Variants in ZDHHC15 observed in about 807,000 individuals in gnomAD.
ZDHHC15 encodes the protein palmitoyltransferase ZDHHC15.
Under a neutral mutation model 31.7 loss-of-function variants are expected in ZDHHC15, and 19 were observed. That is an observed-to-expected ratio of 0.60 (90% CI 0.42 to 0.88). The LOEUF is 0.88. Ranked by LOEUF, ZDHHC15 falls within the 40% of genes least tolerant of loss-of-function variation. The pLI, the probability that ZDHHC15 is intolerant of heterozygous loss-of-function variation, is 0.00. For missense variants in ZDHHC15, 209 were observed against 251.2 expected (o/e 0.83, Z 1.14); for synonymous variants, 103 against 90.0 (o/e 1.14, Z -0.82).
chrX:75,397,008 C>T (rs1386147856), intron 10 of ZDHHC15, among the ~76,000 whole-genome samples: 6 of 110,380 alleles, frequency 5.4e-5, no homozygotes, highest in South Asian at 3.9e-4. Flanking sequence ...GTTTGGGGGT[C>T]GGGGAAGTTG....
intron 2 of ZDHHC15, among the ~76,000 whole-genome samples, chrX:75,488,033 A>G (rs2084806164): frequency 8.9e-6 from 1 of 112,376 alleles, no homozygotes; most frequent in African/African-American, 3.2e-5. Flanking sequence ...ATTATGTCAA[A>G]TGTCCAAACA....
At chrX:75,482,948 G>A (rs1051498064) in intron 2 of ZDHHC15, among the ~76,000 whole-genome samples, 7 of 106,959 alleles carry the variant, frequency 6.5e-5, no homozygotes, top group Non-Finnish European at 1.2e-4. Context: ...TAACCTTGCC[G>A]ATAATCATAA....
intron 2 of ZDHHC15, among the ~76,000 whole-genome samples, chrX:75,495,881 T>C (rs1468800683): frequency 1.9e-5 from 2 of 106,432 alleles, no homozygotes; most frequent in Non-Finnish European, 3.9e-5. Flanking sequence ...TCTATACATA[T>C]GTAACTAACC....
At chrX:75,515,028 G>C (rs1430800075) in intron 1 of ZDHHC15, among the ~76,000 whole-genome samples, 2 of 111,504 alleles carry the variant, frequency 1.8e-5, no homozygotes, top group Non-Finnish European at 3.8e-5. Flanking sequence ...AAATCAGGAA[G>C]AAGTTGAATT....
intron 4 of ZDHHC15, among the ~76,000 whole-genome samples, chrX:75,435,221 T>C (rs1028564532): frequency 3.6e-5 from 4 of 111,929 alleles, no homozygotes; most frequent in African/African-American, 1.3e-4. Flanking sequence ...AATTCATTGA[T>C]CAGATCCAGG....
chrX:75,420,822 G>A lies in ZDHHC15; in HGVS notation c.863+1042C>T, dbSNP rs143697421. On this transcript the variant is annotated intron_variant, in intron 9 of 11. Coordinates refer to ENST00000373367, the MANE Select transcript of ZDHHC15 (RefSeq NM_144969.3). ...ACTGTCCTGGGGTGGGGAGCTAGGG[G>A]AGGGATAGCATTAGGAGAAATACCT... 8.1e-3 allele frequency among the ~76,000 whole-genome samples: 898 copies of A among 110,397 alleles called. 10 individuals are homozygous for A. Among genetic ancestry groups the A allele is most frequent in the Non-Finnish European group, 0.011 (600 of 52,817 alleles).
chrX:75,424,106 A>G (rs1210540362), intron 8 of ZDHHC15, among the ~76,000 whole-genome samples: 2 of 111,506 alleles, frequency 1.8e-5, no homozygotes, highest in Non-Finnish European at 1.9e-5. Context: ...CATTTGTTCA[A>G]TGTATTTATC....
chrX:75,407,849 A>T (rs755822834), intron 10 of ZDHHC15, among the ~76,000 whole-genome samples: 1 of 112,443 alleles, frequency 8.9e-6, no homozygotes, highest in Admixed American at 9.3e-5. Flanking sequence ...AGGAGACTCC[A>T]TTTTGTTCTG....
intron 10 of ZDHHC15, among the ~76,000 whole-genome samples, chrX:75,397,516 T>C (rs765194979): frequency 4.2e-5 from 4 of 95,988 alleles, no homozygotes; most frequent in Admixed American, 1.3e-4. Context: ...TATATACACC[T>C]AGTATGTACC....
chrX:75,452,028 A>C (rs1306383595), intron 3 of ZDHHC15, among the ~76,000 whole-genome samples: 4 of 111,204 alleles, frequency 3.6e-5, no homozygotes, highest in Admixed American at 9.6e-5. Context: ...TTCACACATA[A>C]CAATATTAAC....
At chrX:75,416,852 C>T (rs2083554608) in intron 10 of ZDHHC15, among the ~76,000 whole-genome samples, 1 of 111,420 alleles carries the variant, frequency 9.0e-6, no homozygotes, top group Non-Finnish European at 1.9e-5. Context: ...AGATGTATAT[C>T]TGACTGGTAA....
At chrX:75,453,432 T>A (rs971763299) in intron 3 of ZDHHC15, among the ~76,000 whole-genome samples, 1 of 111,278 alleles carries the variant, frequency 9.0e-6, no homozygotes, top group Non-Finnish European at 1.9e-5. Context: ...CAGGACCAGA[T>A]GGATTCACAG....
chrX:75,508,372 AC>A (rs1189871602), intron 1 of ZDHHC15, among the ~76,000 whole-genome samples: 3 of 88,313 alleles, frequency 3.4e-5, no homozygotes, highest in African/African-American at 1.3e-4. Context: ...TTCAATTCCC[AC>A]CTATGAGTGA....
rs1316238062 is a variant in ZDHHC15 at position 75,522,976 on chromosome X, G to T, written c.49C>A (p.Arg17Ser). Residue 17 changes from arginine to serine, a missense_variant, in exon 1 of 12, where the codon CGC (arginine) becomes AGC (serine). Coordinates refer to ENST00000373367, the MANE Select transcript of ZDHHC15 (RefSeq NM_144969.3). ...MALSGGLRCC[R>S]RVLSWVPVLV... The stretch of plus-strand genomic sequence containing the variant: ...ACTGGCACCCAGGACAGTACCCGGC[G>T]GCAGCACCGCAGCCCCCCAGACAGA... 1 of 1,211,564 alleles carries T rather than the reference G, an allele frequency of 8.3e-7. No homozygotes were observed. Among genetic ancestry groups the T allele is most frequent in the Non-Finnish European group, 1.1e-6 (1 of 895,372 alleles).
At chrX:75,392,371 T>A (rs918668288) in intron 10 of ZDHHC15, among the ~76,000 whole-genome samples, 2 of 111,944 alleles carry the variant, frequency 1.8e-5, no homozygotes, top group African/African-American at 3.2e-5. Context: ...CCTACTCAAA[T>A]TAAGGGTGGG....
rs923638734 is a variant in ZDHHC15, at chrX:75,504,975, T to C, written c.163+846A>G. ...ATTTTTATTCTATACATGAATAAAA[T>C]GAACACAATGAGGTAAAATAATTTA... On this transcript the variant is annotated intron_variant, in intron 2 of 11. Coordinates refer to ENST00000373367, the MANE Select transcript of ZDHHC15 (RefSeq NM_144969.3). Among the ~76,000 whole-genome samples the C allele has an allele frequency of 2.7e-5, 3 of 111,224 alleles. No homozygotes were observed. The Admixed American group carries it at 2.9e-4, about 11-fold the overall frequency.
At chrX:75,407,533 C>T (rs1377285014) in intron 10 of ZDHHC15, among the ~76,000 whole-genome samples, 1 of 111,607 alleles carries the variant, frequency 9.0e-6, no homozygotes, top group Non-Finnish European at 1.9e-5. Flanking sequence ...GCCAGCCGCC[C>T]CGTCCGGGAG....
At chrX:75,467,073 A>G (rs1436620707) in intron 3 of ZDHHC15, among the ~76,000 whole-genome samples, 3 of 112,610 alleles carry the variant, frequency 2.7e-5, no homozygotes, top group Non-Finnish European at 5.6e-5. Context: ...AGAAAAAAAC[A>G]AAAGTCAATA....
intron 2 of ZDHHC15, among the ~76,000 whole-genome samples, chrX:75,486,874 C>T (rs1410718273): frequency 9.0e-6 from 1 of 111,444 alleles, no homozygotes; most frequent in Admixed American, 9.5e-5. Flanking sequence ...CTCACCTAAC[C>T]TTGCCCCCAC....
Sources: allele counts gnomAD v4.1 joint callset (sites outside exome capture counted in the v4.1 genomes callset), GRCh38; gene constraint gnomAD v4.1.1; transcripts MANE v1.5; gene names NCBI Gene and HGNC (gene_info 2026-07-23, HGNC 2026-07-21).